Variants in ERC2 observed in about 807,000 individuals in gnomAD.
ERC2 encodes ERC protein 2.
ERC2 carries 42 observed loss-of-function variants against 114.8 expected under a neutral mutation model. The ratio of observed to expected loss-of-function variants is 0.37; its 90% CI spans 0.29 to 0.47. ERC2 has a LOEUF of 0.47. Ranked by LOEUF, ERC2 falls within the 20% of genes least tolerant of loss-of-function variation. ERC2 has a pLI of 0.99. For synonymous variants in ERC2, 454 were observed against 425.5 expected, an observed-to-expected ratio of 1.07 and a Z score of -0.82; for missense variants, 939 against 1,150.7, an observed-to-expected ratio of 0.82 and a Z score of 2.66.
chr3:55,656,589 CCT>C (rs1358713316), intron 17 of ERC2, among the ~76,000 whole-genome samples: 1 of 152,190 alleles, frequency 6.6e-6, no homozygotes, highest in Non-Finnish European at 1.5e-5. Flanking sequence ...GTAGCCAGCT[CCT>C]GTCTCCTTAG....
intron 14 of ERC2, among the ~76,000 whole-genome samples, chr3:55,820,263 C>G (rs2060072310): frequency 6.6e-6 from 1 of 152,146 alleles, no homozygotes; most frequent in Admixed American, 6.5e-5. Context: ...GGCAGACTCT[C>G]TGAGGCATAA....
chr3:56,172,772 C>T (rs1040672461), intron 4 of ERC2, among the ~76,000 whole-genome samples: 2 of 152,180 alleles, frequency 1.3e-5, no homozygotes, highest in African/African-American at 4.8e-5. Context: ...AATGGAGTTT[C>T]ATTTAGACCA....
intron 2 of ERC2, among the ~76,000 whole-genome samples, chr3:56,355,835 C>A (rs972147068): frequency 6.6e-6 from 1 of 151,120 alleles, no homozygotes; most frequent in Non-Finnish European, 1.5e-5. Context: ...TTGGGACCTG[C>A]CTACACTGCT....
intron 3 of ERC2, among the ~76,000 whole-genome samples, chr3:56,209,545 G>C (rs1217468799): frequency 6.6e-6 from 1 of 152,142 alleles, no homozygotes; most frequent in East Asian, 1.9e-4. Context: ...GCACACTGAG[G>C]CACATAGCCA....
intron 17 of ERC2, among the ~76,000 whole-genome samples, chr3:55,598,924 A>T (rs770969956): frequency 5.6e-4 from 86 of 152,224 alleles, no homozygotes; most frequent in Admixed American, 1.8e-3. Context: ...TGCTTGCCAG[A>T]TCTGTCCCAA....
At chr3:56,282,535 A>C (rs1424898124) in intron 3 of ERC2, among the ~76,000 whole-genome samples, 1 of 152,204 alleles carries the variant, frequency 6.6e-6, no homozygotes, top group African/African-American at 2.4e-5. Context: ...GTCCCCCATG[A>C]GGTCTCAGGC....
At chr3:56,035,653 C>T (rs1043155026) in intron 7 of ERC2, among the ~76,000 whole-genome samples, 9 of 152,218 alleles carry the variant, frequency 5.9e-5, no homozygotes, top group Non-Finnish European at 2.9e-5. Flanking sequence ...TGTGAGGATA[C>T]AGCCTTCCTC....
intron 4 of ERC2, among the ~76,000 whole-genome samples, chr3:56,169,055 A>G (rs1377224955): frequency 2.0e-5 from 3 of 152,154 alleles, no homozygotes; most frequent in Non-Finnish European, 2.9e-5. Flanking sequence ...CTAAATACCC[A>G]CAATCCCCAC....
intron 14 of ERC2, among the ~76,000 whole-genome samples, chr3:55,868,831 G>T (rs2062441808): frequency 6.6e-6 from 1 of 152,120 alleles, no homozygotes; most frequent in Non-Finnish European, 1.5e-5. Flanking sequence ...ATTAGATTAT[G>T]CAATGGAAAG....
intron 7 of ERC2, among the ~76,000 whole-genome samples, chr3:56,055,264 A>T (rs890592933): frequency 6.6e-6 from 1 of 152,208 alleles, no homozygotes; most frequent in Non-Finnish European, 1.5e-5. Flanking sequence ...TCTAGCTGGG[A>T]TGGCAGTATT....
intron 13 of ERC2, among the ~76,000 whole-genome samples, chr3:55,917,126 A>C (rs1215938222): frequency 6.6e-6 from 1 of 152,158 alleles, no homozygotes; most frequent in African/African-American, 2.4e-5. Flanking sequence ...TTCCATCATG[A>C]AGGTCCCCTG....
intron 17 of ERC2, among the ~76,000 whole-genome samples, chr3:55,641,786 C>T (rs2060197496): frequency 6.6e-6 from 1 of 152,104 alleles, no homozygotes. Context: ...GAAATTTCAA[C>T]TTTAGGTGCC....
At chr3:56,415,500 C>T (rs2107163552) in intron 2 of ERC2, among the ~76,000 whole-genome samples, 1 of 152,274 alleles carries the variant, frequency 6.6e-6, no homozygotes, top group African/African-American at 2.4e-5. Flanking sequence ...TGTATTTAAG[C>T]CAGGGCATCT....
At chr3:56,205,362 C>T (rs909886882) in intron 3 of ERC2, among the ~76,000 whole-genome samples, 2 of 152,166 alleles carry the variant, frequency 1.3e-5, no homozygotes, top group East Asian at 1.9e-4. Flanking sequence ...GTCCAGGGTG[C>T]ACTCTTAGAA....
intron 3 of ERC2, among the ~76,000 whole-genome samples, chr3:56,181,390 A>G (rs537718206): frequency 2.6e-5 from 4 of 152,336 alleles, no homozygotes; most frequent in East Asian, 3.9e-4. Context: ...TGCTATGCAC[A>G]TTGATTTCCA....
At chr3:56,259,116 G>A (rs1229528885) in intron 3 of ERC2, among the ~76,000 whole-genome samples, 1 of 151,860 alleles carries the variant, frequency 6.6e-6, no homozygotes, top group Admixed American at 6.6e-5. Flanking sequence ...GGGATTACAG[G>A]CCTGTGCCAC....
chr3:55,782,882 T>C (rs192704856), intron 14 of ERC2, among the ~76,000 whole-genome samples: 1 of 152,276 alleles, frequency 6.6e-6, no homozygotes. Flanking sequence ...ATTTGACAAA[T>C]AAATGTGTAG....
At chr3:56,326,161 C>T (rs1448386765) in intron 2 of ERC2, among the ~76,000 whole-genome samples, 1 of 152,154 alleles carries the variant, frequency 6.6e-6, no homozygotes, top group Admixed American at 6.5e-5. Flanking sequence ...CTGAGCCAGG[C>T]AATGGAGGAG....
chr3:56,027,206 C>T (rs1446132805), intron 7 of ERC2, among the ~76,000 whole-genome samples: 1 of 151,996 alleles, frequency 6.6e-6, no homozygotes, highest in Non-Finnish European at 1.5e-5. Context: ...CTTGCTTAAG[C>T]ATTTACCTGC....
Sources: gnomAD v4.1 joint callset for allele counts (sites outside exome capture counted in the v4.1 genomes callset) on GRCh38, gnomAD v4.1.1 for gene constraint, MANE v1.5 for transcripts, NCBI Gene and HGNC (gene_info 2026-07-23, HGNC 2026-07-21) for gene names.